Variants in FAM135B observed in about 807,000 individuals in gnomAD.
FAM135B encodes protein FAM135B.
A neutral mutation model predicts 127.7 loss-of-function variants in FAM135B; 43 were observed. The observed-to-expected ratio is 0.34, with a 90% confidence interval of 0.26 to 0.43. The LOEUF is 0.43. Among genes scored for constraint, FAM135B ranks in the 20% least tolerant of loss-of-function variants. The pLI, the probability that FAM135B is intolerant of heterozygous loss-of-function variation, is 1.00. For synonymous variants in FAM135B, 670 were observed against 665.1 expected (o/e 1.01, Z -0.11); for missense variants, 1,558 against 1,725.6 (o/e 0.90, Z 1.72).
chr8:138,157,745 A>G (rs1818911286), intron 12 of FAM135B, among the ~76,000 whole-genome samples: 1 of 152,318 alleles, frequency 6.6e-6, no homozygotes. Context: ...TACAAGGGAC[A>G]TGTAGGATCT....
intron 1 of FAM135B, among the ~76,000 whole-genome samples, chr8:138,399,562 G>A (rs1161787294): frequency 2.0e-5 from 3 of 152,172 alleles, no homozygotes; most frequent in Admixed American, 6.5e-5. Context: ...AACAGACCAA[G>A]CCTTCTTTAG....
intron 1 of FAM135B, among the ~76,000 whole-genome samples, chr8:138,405,241 T>A: frequency 6.6e-6 from 1 of 151,886 alleles, no homozygotes; most frequent in Non-Finnish European, 1.5e-5. Context: ...TTATTATACT[T>A]TAAGTTTTAG....
chr8:138,462,167 C>A (rs1245968102), intron 1 of FAM135B, among the ~76,000 whole-genome samples: 2 of 151,964 alleles, frequency 1.3e-5, no homozygotes, highest in Non-Finnish European at 2.9e-5. Context: ...ATATGTTATA[C>A]ATTAAAAGTA....
At chr8:138,422,924 C>A (rs975847765) in intron 1 of FAM135B, among the ~76,000 whole-genome samples, 1 of 152,122 alleles carries the variant, frequency 6.6e-6, no homozygotes. Flanking sequence ...CCATGGAATA[C>A]GATGCAATCA....
intron 3 of FAM135B, among the ~76,000 whole-genome samples, chr8:138,308,603 T>C (rs1826435631): frequency 6.6e-6 from 1 of 150,390 alleles, no homozygotes; most frequent in African/African-American, 2.4e-5. Context: ...ATTATTCTTC[T>C]GTTAAACTAT....
At chr8:138,259,433 T>C (rs1822372028) in intron 4 of FAM135B, among the ~76,000 whole-genome samples, 1 of 152,194 alleles carries the variant, frequency 6.6e-6, no homozygotes. Flanking sequence ...AGTAAAATAA[T>C]TACACCTACT....
At chr8:138,140,322 G>A (rs1192815024) in intron 17 of FAM135B, among the ~76,000 whole-genome samples, 1 of 152,222 alleles carries the variant, frequency 6.6e-6, no homozygotes, top group African/African-American at 2.4e-5. Flanking sequence ...CAGGGACAAG[G>A]AAGCTTATCA....
Position 138,310,431 on chromosome 8 carries a change from C to T in FAM135B, c.157+410G>A, listed in dbSNP as rs79257451. The stretch of plus-strand genomic sequence containing the variant: ...AAGCTGGGAGCACTGCTCTTGGACC[C>T]CTCAAGGTGTATGAAAAGTGCCACC... On this transcript the variant is annotated intron_variant, in intron 3 of 19. Transcript: ENST00000395297. Among the ~76,000 whole-genome samples, 459 of 152,184 alleles carry T rather than the reference C, an allele frequency of 3.0e-3. 21 individuals carry two copies. The East Asian group carries it at 0.074, about 25-fold the overall frequency.
At chr8:138,253,220 G>C (rs956009377) in intron 5 of FAM135B, among the ~76,000 whole-genome samples, 11 of 152,166 alleles carry the variant, frequency 7.2e-5, no homozygotes, top group African/African-American at 2.4e-4. Flanking sequence ...TTGAAATAAA[G>C]AAGAATTTCC....
At chr8:138,424,689 T>C (rs945479308) in intron 1 of FAM135B, among the ~76,000 whole-genome samples, 1 of 152,202 alleles carries the variant, frequency 6.6e-6, no homozygotes, top group African/African-American at 2.4e-5. Context: ...AGAATTCAAA[T>C]TCAGATGTGC....
At chr8:138,231,195 A>G (rs1819883929) in intron 7 of FAM135B, among the ~76,000 whole-genome samples, 1 of 151,874 alleles carries the variant, frequency 6.6e-6, no homozygotes, top group Non-Finnish European at 1.5e-5. Flanking sequence ...TAACTTTAAT[A>G]TTTTTAGTAG....
At chr8:138,351,846 T>A (rs1829806867) in intron 2 of FAM135B, among the ~76,000 whole-genome samples, 1 of 152,102 alleles carries the variant, frequency 6.6e-6, no homozygotes, top group Non-Finnish European at 1.5e-5. Context: ...TGTGCTACCA[T>A]GCCCAGCTAA....
At chr8:138,339,082 A>G (rs1470549231) in intron 2 of FAM135B, among the ~76,000 whole-genome samples, 4 of 134,182 alleles carry the variant, frequency 3.0e-5, no homozygotes, top group Admixed American at 8.1e-5. Flanking sequence ...GACACAGGAA[A>G]GGGAACATCA....
intron 2 of FAM135B, among the ~76,000 whole-genome samples, chr8:138,345,845 A>C (rs1338365084): frequency 6.6e-6 from 1 of 152,190 alleles, no homozygotes; most frequent in Admixed American, 6.5e-5. Flanking sequence ...CCATCTGAGA[A>C]GGTGGATGTG....
chr8:138,462,780 T>C (rs1223050156), intron 1 of FAM135B, among the ~76,000 whole-genome samples: 2 of 152,102 alleles, frequency 1.3e-5, no homozygotes, highest in Non-Finnish European at 2.9e-5. Flanking sequence ...AGAAACAAGA[T>C]AGGTCAAGAC....
chr8:138,485,218 A>T (rs977489936), intron 1 of FAM135B, among the ~76,000 whole-genome samples: 1 of 152,188 alleles, frequency 6.6e-6, no homozygotes, highest in Non-Finnish European at 1.5e-5. Flanking sequence ...ACTCATTGTC[A>T]CACTTCTGAA....
At chr8:138,475,012 T>A (rs1327250698) in intron 1 of FAM135B, among the ~76,000 whole-genome samples, 1 of 152,224 alleles carries the variant, frequency 6.6e-6, no homozygotes, top group Non-Finnish European at 1.5e-5. Context: ...ATCACTCACT[T>A]TGGGACAAAA....
In FAM135B at chr8:138,337,405, C is replaced by G. The variant is rs528443439; in HGVS notation, c.78-26485G>C. On this transcript the variant is annotated intron_variant, in intron 2 of 19. Coordinates refer to ENST00000395297, the MANE Select transcript of FAM135B (RefSeq NM_015912.4). ...TCCTTAAGCTGATAGTCAACTTCAG[C>G]AAAGTCTCAGGATACAAAATCAATG... 2.0e-5 allele frequency among the ~76,000 whole-genome samples: 3 copies of G among 152,200 alleles called. No homozygotes were observed. The East Asian group carries it at 5.8e-4, about 29-fold the overall frequency.
chr8:138,395,326 G>A (rs1587340632), intron 1 of FAM135B, among the ~76,000 whole-genome samples: 1 of 152,244 alleles, frequency 6.6e-6, no homozygotes, highest in African/African-American at 2.4e-5. Flanking sequence ...GAGCCTGGCT[G>A]GGAGACGCCG....
Sources: allele counts gnomAD v4.1 joint callset (sites outside exome capture counted in the v4.1 genomes callset), GRCh38; gene constraint gnomAD v4.1.1; transcripts MANE v1.5; gene names NCBI Gene and HGNC (gene_info 2026-07-23, HGNC 2026-07-21).